The following SAFB variants were observed in gnomAD, a reference collection of about 807,000 sequenced individuals.
SAFB encodes the protein scaffold attachment factor B1.
In SAFB, 15 loss-of-function variants were observed where a neutral mutation model predicts 101.6. The observed-to-expected ratio is 0.15, with a 90% CI of 0.10 to 0.23. The LOEUF is 0.23. Ranked by LOEUF, SAFB falls within the 10% of genes least tolerant of loss-of-function variation. The pLI is 1.00. For missense variants in SAFB, 930 were observed against 1,104.1 expected (o/e 0.84, Z 2.23); for synonymous variants, 449 against 407.5 (o/e 1.10, Z -1.23).
In SAFB at chr19:5,667,199, C is replaced by G. The variant is rs774942237; in HGVS notation, c.2453+35C>G. On this transcript the variant is annotated intron_variant, in intron 18 of 20. Coordinates refer to ENST00000588852, the MANE Select transcript of SAFB (RefSeq NM_001201338.2). The surrounding 1 kb of genome is among the most constrained non-coding windows in gnomAD (Gnocchi z 4.0). Reference sequence around the variant, plus strand: ...CCACACCCGACAGTACCTGACCCCCCCCCCGCCCACAAGGGGGCCCGCAAG... The same window carrying G: ...CCACACCCGACAGTACCTGACCCCCGCCCCGCCCACAAGGGGGCCCGCAAG... The G allele has an allele frequency of 3.0e-6, 4 of 1,316,912 alleles. No homozygotes were observed. Among genetic ancestry groups the G allele is most frequent in the East Asian group, 4.9e-5 (2 of 41,066 alleles). The allele number at this position is 1,316,912 out of a possible 1,614,324, so 81.6% of individuals were successfully genotyped here. A position where few individuals can be genotyped will look rare whatever the true frequency, so the allele number is the denominator to read the frequency against.
Position 5,639,936 on chromosome 19 carries a change from C to T in SAFB, c.275-1658C>T, listed in dbSNP as rs188213568. ...CACCGCAACCTCCACCCCCTGGGTT[C>T]AAGCGATTCTCCTGCCTCAGCCTCC... On this transcript the variant is annotated intron_variant, in intron 2 of 20. Transcript: ENST00000588852. Among the ~76,000 whole-genome samples the T allele has an allele frequency of 9.0e-4, 137 of 152,120 alleles. 1 individual carries two copies. Among genetic ancestry groups the T allele is most frequent in the Middle Eastern group, 6.8e-3 (2 of 294 alleles).
intron 17 of SAFB, chr19:5,664,720 C>T: frequency 2.5e-6 from 1 of 396,320 alleles, no homozygotes; most frequent in Non-Finnish European, 4.7e-6. Context: ...GCCAGGGAAC[C>T]TTGGGATGTG....
Position 5,667,686 on chromosome 19 carries a change from C to T in SAFB, c.2558-134C>T, listed in dbSNP as rs2054364720. Reference sequence around the variant, plus strand: ...AGCTGGACGTCTATGGTCCCTGTGCCCAGGTGTCTTCCTGGGACCCGCTAG... The same window carrying T: ...AGCTGGACGTCTATGGTCCCTGTGCTCAGGTGTCTTCCTGGGACCCGCTAG... On this transcript the variant is annotated intron_variant, in intron 19 of 20. Transcript: ENST00000588852. The surrounding 1 kb of genome is among the most constrained non-coding windows in gnomAD (Gnocchi z 4.0). The T allele has an allele frequency of 1.2e-6, 1 of 844,254 alleles. No homozygotes were observed. The highest frequency in any genetic ancestry group is 1.9e-6 in the Non-Finnish European group (1 of 516,770). The allele number at this position is 844,254 out of a possible 1,614,324, so 52.3% of individuals were successfully genotyped here.
chr19:5,633,169 T>C (rs2053525527), intron 2 of SAFB, among the ~76,000 whole-genome samples: 1 of 152,202 alleles, frequency 6.6e-6, no homozygotes, highest in South Asian at 2.1e-4. Flanking sequence ...TTTGTTATTG[T>C]TTGTTTATTA....
In SAFB at chr19:5,653,103, C is replaced by A. The variant is rs186358814; in HGVS notation, c.1294-12C>A. 1.1e-4 allele frequency: 179 copies of A among 1,613,106 alleles called. 1 individual carries two copies. The East Asian group carries it at 3.5e-3, about 32-fold the overall frequency. On this transcript the variant is annotated splice_polypyrimidine_tract_variant and intron_variant, in intron 9 of 20. Transcript: ENST00000588852. ...TTCATGTCTGAGTCATATTTGCCTG[C>A]TTTCCTTTGAGGTGGTGGGCGCCAA... is the stretch of plus-strand genomic sequence containing the variant.
At position 5,667,219 on chromosome 19, in the gene SAFB, C is replaced by T. The variant is rs956652088; in HGVS notation, c.2453+55C>T. On this transcript the variant is annotated intron_variant, in intron 18 of 20. Transcript: ENST00000588852. This position sits in a 1 kb window ranked among gnomAD's most constrained non-coding sequence, Gnocchi z 4.0. ...CCCCCCCCCCGCCCACAAGGGGGCC[C>T]GCAAGTCGCTGGGATGTGGGCACAG... The T allele has an allele frequency of 1.5e-5, 19 of 1,284,150 alleles. No homozygotes were observed. Among genetic ancestry groups the T allele is most frequent in the South Asian group, 1.2e-4 (9 of 72,496 alleles). 79.5% of individuals were successfully genotyped at this position (1,284,150 alleles called of 1,614,324 possible).
intron 17 of SAFB, 88 bp from the exon 18 acceptor site, chr19:5,666,958 G>A (rs2054339798): frequency 1.2e-6 from 1 of 836,694 alleles, no homozygotes; most frequent in Non-Finnish European, 2.1e-6. Context: ...GACTGTCGTT[G>A]TCATCGTTAG....
intron 1 of SAFB, among the ~76,000 whole-genome samples, chr19:5,625,504 C>G (rs1396337152): frequency 6.6e-6 from 1 of 152,168 alleles, no homozygotes; most frequent in Non-Finnish European, 1.5e-5. Context: ...GGCTTCCAAA[C>G]CTCTGCAGAT....
chr19:5,657,060 T>C (rs945270486), intron 13 of SAFB, among the ~76,000 whole-genome samples, 181 bp from the exon 14 acceptor site: 10 of 152,116 alleles, frequency 6.6e-5, no homozygotes, highest in African/African-American at 2.4e-4. Flanking sequence ...TGTGAGCCAC[T>C]GCGCCCGGCA....
chr19:5,667,379 G>T lies in SAFB; in HGVS notation c.2486G>T (p.Arg829Ile). The T allele has an allele frequency of 6.6e-7, 1 of 1,509,880 alleles. No individual in the cohort carries two copies. The highest frequency in any genetic ancestry group is 8.8e-7 in the Non-Finnish European group (1 of 1,134,376). 93.5% of individuals were successfully genotyped at this position (1,509,880 alleles called of 1,614,324 possible). A position where few individuals can be genotyped will look rare whatever the true frequency, so the allele number is the denominator to read the frequency against. The change falls in exon 19 of 21, where the codon AGA becomes ATA. Residue 829 changes from arginine to isoleucine, a missense_variant. Transcript: ENST00000588852. This position sits in a 1 kb window ranked among gnomAD's most constrained non-coding sequence, Gnocchi z 4.0. ...CGTGACTGGGGGGACCATGGCCGAA[G>T]AGAGGATGACCGGTCATGGCAGGGC... ...GRRDWGDHGRREDDRSWQGTA... is the reference protein window; with the variant it reads ...GRRDWGDHGRIEDDRSWQGTA...
chr19:5,646,543 T>C (rs2053831865), intron 5 of SAFB, among the ~76,000 whole-genome samples: 1 of 152,146 alleles, frequency 6.6e-6, no homozygotes, highest in Non-Finnish European at 1.5e-5. Context: ...TTAGAGAAAA[T>C]GAGGAAGAAT....
Position 5,626,416 on chromosome 19 carries a change from T to C in SAFB, c.201T>C (p.Asp67=), listed in dbSNP as rs746316053. 34 of 1,603,246 alleles carry C rather than the reference T, an allele frequency of 2.1e-5. No individual in the cohort carries two copies. Among genetic ancestry groups the C allele is most frequent in the Non-Finnish European group, 2.9e-5 (34 of 1,170,144 alleles). Residue 67 remains aspartate, a synonymous_variant, in exon 2 of 21, where the codon GAT becomes GAC. Transcript: ENST00000588852. ...LMERLKKAIE[D]EGGNPDEIEI... ...TCCCTTCTTTTTAGGCAATTGAAGATGAAGGTGGTAATCCTGACGAAATTG... is the reference window on the plus strand; with the variant it reads ...TCCCTTCTTTTTAGGCAATTGAAGACGAAGGTGGTAATCCTGACGAAATTG...
intron 8 of SAFB, among the ~76,000 whole-genome samples, chr19:5,650,737 C>A (rs1430699856): frequency 6.6e-6 from 1 of 152,116 alleles, no homozygotes; most frequent in Non-Finnish European, 1.5e-5. Flanking sequence ...CTTAGGAAAC[C>A]TCACATTGTC....
At chr19:5,632,841 G>A (rs778058263) in intron 2 of SAFB, among the ~76,000 whole-genome samples, 3 of 152,104 alleles carry the variant, frequency 2.0e-5, no homozygotes, top group Non-Finnish European at 4.4e-5. Flanking sequence ...GTGCTCAAGC[G>A]ATCCTCCCAC....
At chr19:5,624,265 G>C (rs1363425890) in intron 1 of SAFB, among the ~76,000 whole-genome samples, 2 of 150,548 alleles carry the variant, frequency 1.3e-5, no homozygotes, top group Non-Finnish European at 3.0e-5. Flanking sequence ...AAAAGCAATA[G>C]GACTTTGATT....
chr19:5,626,960 C>CT lies in SAFB; in HGVS notation c.274+473dup, dbSNP rs532389124. On this transcript the variant is annotated intron_variant, in intron 2 of 20. Coordinates refer to ENST00000588852, the MANE Select transcript of SAFB (RefSeq NM_001201338.2). ...TTGGGAGGCTGAACCGGAAGGATTA[C>CT]TTGACCCCAGGAGGTTGAGATCAGC... Among the ~76,000 whole-genome samples the CT allele has an allele frequency of 1.2e-4, 19 of 152,154 alleles. No individual in the cohort carries two copies. In the East Asian group the frequency reaches 3.7e-3, roughly 29 times the overall value.
intron 2 of SAFB, among the ~76,000 whole-genome samples, chr19:5,632,604 C>T (rs142105871): frequency 1.3e-5 from 2 of 152,154 alleles, no homozygotes; most frequent in African/African-American, 4.8e-5. Context: ...CCTTAGTTTT[C>T]TTTAATCTTG....
At chr19:5,628,119 C>CGG (rs2053408260) in intron 2 of SAFB, among the ~76,000 whole-genome samples, 1 of 151,976 alleles carries the variant, frequency 6.6e-6, no homozygotes, top group Non-Finnish European at 1.5e-5. Flanking sequence ...GGTGTGGTGG[C>CGG]GGGCTCCTGT....
intron 17 of SAFB, chr19:5,665,875 G>C (rs1368077576): frequency 6.6e-6 from 1 of 152,208 alleles, no homozygotes; most frequent in African/African-American, 2.4e-5. Context: ...CTTATTTCAG[G>C]AGTCCCTTTT....
Sources: allele counts gnomAD v4.1 joint callset (sites outside exome capture counted in the v4.1 genomes callset), GRCh38; gene constraint gnomAD v4.1.1; non-coding constraint Gnocchi (gnomAD v3.1); transcripts MANE v1.5; gene names NCBI Gene and HGNC (gene_info 2026-07-23, HGNC 2026-07-21).